The following STAG1 variants were observed in gnomAD, a reference collection of about 807,000 sequenced individuals.
STAG1 encodes cohesin subunit SA-1.
In STAG1, 26 loss-of-function variants were observed where a neutral mutation model predicts 170.9. The ratio of observed to expected loss-of-function variants is 0.15; its 90% CI spans 0.11 to 0.21. The LOEUF (loss-of-function observed/expected upper bound fraction) is 0.21, where lower values mean the gene tolerates loss of function less well. STAG1 is among the 10% of genes least tolerant of loss of function. The pLI is 1.00. For missense variants in STAG1, 964 were observed against 1,509.5 expected, an observed-to-expected ratio of 0.64 and a Z score of 5.99; for synonymous variants, 514 against 497.7, an observed-to-expected ratio of 1.03 and a Z score of -0.44.
chr3:136,536,916 C>T (rs543941732), intron 6 of STAG1, among the ~76,000 whole-genome samples: 62 of 152,246 alleles, frequency 4.1e-4, no homozygotes, highest in African/African-American at 1.4e-3. Flanking sequence ...AAGCACTTAA[C>T]AGTGCTTGCA....
intron 1 of STAG1, among the ~76,000 whole-genome samples, chr3:136,670,582 T>C (rs946455761): frequency 1.3e-5 from 2 of 152,126 alleles, no homozygotes; most frequent in African/African-American, 2.4e-5. Flanking sequence ...GTTCAAGCGA[T>C]TCCTGTGCCT....
intron 22 of STAG1, among the ~76,000 whole-genome samples, chr3:136,393,967 T>A (rs1448971529): frequency 6.6e-6 from 1 of 152,146 alleles, no homozygotes; most frequent in Non-Finnish European, 1.5e-5. Flanking sequence ...AGTGATGCAA[T>A]CTTGGCTCAC....
At chr3:136,467,096 T>TA (rs2089485335) in intron 12 of STAG1, among the ~76,000 whole-genome samples, 1 of 152,172 alleles carries the variant, frequency 6.6e-6, no homozygotes, top group Non-Finnish European at 1.5e-5. Flanking sequence ...CCGCATCAAC[T>TA]AATGAGCAAA....
At chr3:136,519,762 A>C (rs1007408793) in intron 7 of STAG1, among the ~76,000 whole-genome samples, 1 of 152,098 alleles carries the variant, frequency 6.6e-6, no homozygotes, top group East Asian at 1.9e-4. Flanking sequence ...GTAACTTTTT[A>C]AAAAAGATAA....
intron 21 of STAG1, among the ~76,000 whole-genome samples, chr3:136,405,258 T>TTTTC (rs1560091864): frequency 8.6e-6 from 1 of 115,616 alleles, no homozygotes; most frequent in African/African-American, 3.4e-5. Flanking sequence ...TTTTTTTTTT[T>TTTTC]TCAGACGAAG....
At chr3:136,512,981 G>A (rs1261927813) in intron 7 of STAG1, among the ~76,000 whole-genome samples, 1 of 152,176 alleles carries the variant, frequency 6.6e-6, no homozygotes, top group Non-Finnish European at 1.5e-5. Flanking sequence ...ACTGACAGCA[G>A]AAGAAAACCT....
At chr3:136,597,183 G>GA (rs1413637195) in intron 4 of STAG1, among the ~76,000 whole-genome samples, 1 of 151,748 alleles carries the variant, frequency 6.6e-6, no homozygotes, top group African/African-American at 2.4e-5. Flanking sequence ...ACAAAGCAAT[G>GA]AAAAAAATAT....
intron 13 of STAG1, among the ~76,000 whole-genome samples, chr3:136,455,231 T>G (rs1448184412): frequency 6.6e-6 from 1 of 152,152 alleles, no homozygotes; most frequent in Non-Finnish European, 1.5e-5. Flanking sequence ...CCTACCAAGA[T>G]ACAACCAGAA....
chr3:136,717,774 C>T (rs1011734493), intron 1 of STAG1, among the ~76,000 whole-genome samples: 1 of 152,066 alleles, frequency 6.6e-6, no homozygotes, highest in Non-Finnish European at 1.5e-5. Context: ...CAAGGAATCA[C>T]GTATGGAAAG....
intron 13 of STAG1, among the ~76,000 whole-genome samples, chr3:136,455,193 G>A (rs1025822487): frequency 3.3e-5 from 5 of 152,120 alleles, no homozygotes; most frequent in Admixed American, 6.5e-5. Context: ...CAAGATGGTG[G>A]AACAGAAGAT....
At chr3:136,742,074 A>G (rs113072360) in intron 1 of STAG1, among the ~76,000 whole-genome samples, 177 of 152,356 alleles carry the variant, frequency 1.2e-3, no homozygotes, top group African/African-American at 2.5e-3. Flanking sequence ...AATTAAGGGA[A>G]AAACAGATAA....
At chr3:136,434,923 C>T (rs539189743) in intron 15 of STAG1, among the ~76,000 whole-genome samples, 91 of 152,258 alleles carry the variant, frequency 6.0e-4, no homozygotes, top group Non-Finnish European at 1.2e-3. Context: ...TTTATTCCCA[C>T]CAAATAGCCA....
intron 1 of STAG1, among the ~76,000 whole-genome samples, chr3:136,670,200 G>T (rs746671148): frequency 1.7e-4 from 26 of 152,198 alleles, no homozygotes; most frequent in Non-Finnish European, 2.9e-4. Flanking sequence ...ATATGTAACT[G>T]CCTTTGTTTT....
intron 6 of STAG1, among the ~76,000 whole-genome samples, chr3:136,533,010 A>G (rs1449764955): frequency 6.6e-6 from 1 of 152,220 alleles, no homozygotes; most frequent in Non-Finnish European, 1.5e-5. Flanking sequence ...TCTTTTATTT[A>G]GAAGAACCCA....
chr3:136,660,628 A>G (rs1941547537), intron 1 of STAG1, among the ~76,000 whole-genome samples: 1 of 152,198 alleles, frequency 6.6e-6, no homozygotes, highest in South Asian at 2.1e-4. Flanking sequence ...ATCCTGTTTC[A>G]TACACATTCT....
At chr3:136,523,657 G>A (rs1306973235) in intron 6 of STAG1, among the ~76,000 whole-genome samples, 1 of 152,310 alleles carries the variant, frequency 6.6e-6, no homozygotes, top group Admixed American at 6.5e-5. Flanking sequence ...TTTTAGACGT[G>A]AAGTCCTTGC....
intron 4 of STAG1, chr3:136,586,685 A>C (rs1937844688): frequency 3.3e-6 from 1 of 303,416 alleles, no homozygotes; most frequent in South Asian, 2.9e-5. Context: ...ATTAAACAAA[A>C]GCAAAATATT....
At position 136,345,887 on chromosome 3, in the gene STAG1, G is replaced by A. The variant is rs1249911427; in HGVS notation, c.3272-1881C>T. Among the ~76,000 whole-genome samples the A allele has an allele frequency of 5.9e-5, 9 of 152,190 alleles. No homozygotes were observed. In the South Asian group the frequency reaches 1.9e-3, roughly 32 times the overall value. Reference sequence around the variant, plus strand: ...CTGGTTAAAGTAATTCCTCTGATCTGAAGCTCACTACTCAATCTCTTCTTA... The same window carrying A: ...CTGGTTAAAGTAATTCCTCTGATCTAAAGCTCACTACTCAATCTCTTCTTA... On this transcript the variant is annotated intron_variant, in intron 29 of 33. Coordinates refer to ENST00000383202, the MANE Select transcript of STAG1 (RefSeq NM_005862.3).
intron 7 of STAG1, among the ~76,000 whole-genome samples, chr3:136,506,252 C>T (rs946285081): frequency 6.6e-6 from 1 of 152,044 alleles, no homozygotes; most frequent in Admixed American, 6.6e-5. Flanking sequence ...TAGGTTTTTG[C>T]CTTTGGCAAC....
Sources: allele counts gnomAD v4.1 joint callset (sites outside exome capture counted in the v4.1 genomes callset), GRCh38; gene constraint gnomAD v4.1.1; transcripts MANE v1.5; gene names NCBI Gene and HGNC (gene_info 2026-07-23, HGNC 2026-07-21).